ATP5MF: variants seen among roughly 807,000 people sequenced by gnomAD.
The protein encoded by ATP5MF is ATP synthase F(0) complex subunit f, mitochondrial.
In ATP5MF, 10 loss-of-function variants were observed where a neutral mutation model predicts 13.8. That is an observed-to-expected ratio of 0.72 (90% CI 0.45 to 1.23). The LOEUF is 1.23. Among genes scored for constraint, ATP5MF ranks in the 50% most tolerant of loss-of-function variants. ATP5MF has a pLI of 0.00. For synonymous variants in ATP5MF, 40 were observed against 45.8 expected, an observed-to-expected ratio of 0.87 and a Z score of 0.51; for missense variants, 122 against 118.2, an observed-to-expected ratio of 1.03 and a Z score of -0.15.
chr7:99,459,917 G>T, intron 2 of ATP5MF, 169 bp downstream of exon 2: 1 of 713,760 alleles, frequency 1.4e-6, no homozygotes, highest in Non-Finnish European at 2.3e-6. Flanking sequence ...CTTTGAAAGG[G>T]CCAATCAACC....
intron 1 of ATP5MF, among the ~76,000 whole-genome samples, chr7:99,462,856 C>T (rs1436936743): frequency 6.6e-6 from 1 of 152,116 alleles, no homozygotes; most frequent in Non-Finnish European, 1.5e-5. Flanking sequence ...CCCACCCCAA[C>T]TCTACACACA....
chr7:99,462,375 G>C (rs1798654318), intron 1 of ATP5MF, among the ~76,000 whole-genome samples: 2 of 151,826 alleles, frequency 1.3e-5, no homozygotes, highest in South Asian at 4.1e-4. Context: ...GGCTGAGGCA[G>C]GAGAATGGCG....
At chr7:99,463,037 C>T (rs1798688346) in intron 1 of ATP5MF, among the ~76,000 whole-genome samples, 1 of 152,240 alleles carries the variant, frequency 6.6e-6, no homozygotes, top group Non-Finnish European at 1.5e-5. Flanking sequence ...CAGTTTCCTC[C>T]TTTGTGAAAT....
intron 2 of ATP5MF, chr7:99,459,550 C>T (rs927540364): frequency 5.6e-6 from 2 of 357,024 alleles, no homozygotes; most frequent in African/African-American, 4.2e-5. Flanking sequence ...GCTGGGACTA[C>T]AGGCATGCAC....
At chr7:99,466,017 G>A in intron 1 of ATP5MF, 94 bp downstream of exon 1, 1 of 1,598,938 alleles carries the variant, frequency 6.3e-7, no homozygotes. Context: ...CCTGAGCAAA[G>A]GGCAGGCAGC....
At chr7:99,462,801 G>C (rs1456614006) in intron 1 of ATP5MF, among the ~76,000 whole-genome samples, 1 of 152,166 alleles carries the variant, frequency 6.6e-6, no homozygotes, top group African/African-American at 2.4e-5. Flanking sequence ...CTCTTTCACT[G>C]GAAGGCAAAG....
At chr7:99,462,891 T>G (rs900376036) in intron 1 of ATP5MF, among the ~76,000 whole-genome samples, 3 of 152,202 alleles carry the variant, frequency 2.0e-5, no homozygotes, top group Non-Finnish European at 4.4e-5. Context: ...GCACTGAAGC[T>G]TCCATCTGCA....
Position 99,466,123 on chromosome 7 carries a change from A to G in ATP5MF, c.19T>C (p.Cys7Arg). ...CAAACAGCCTTACCTGGGGCCGGAC[A>G]CTCACCAACTGACGCCATTTTGGAG... MASVGE[C>R]PAPVPVKDKK... is the part of the protein sequence containing the mutation. The change falls in exon 1 of 4, where the codon TGT becomes CGT. Residue 7 changes from cysteine to arginine, a missense_variant. By Grantham distance (180) the Cys-to-Arg change is radical. Coordinates refer to ENST00000292475, the MANE Select transcript of ATP5MF (RefSeq NM_004889.5). 6.2e-7 allele frequency: 1 copy of G among 1,614,054 alleles called. No individual in the cohort carries two copies. Among genetic ancestry groups the G allele is most frequent in the Non-Finnish European group, 8.5e-7 (1 of 1,180,006 alleles).
rs114417104 is a variant in ATP5MF, at chr7:99,465,467, A to G, written c.31+644T>C. 3.0e-3 allele frequency among the ~76,000 whole-genome samples: 450 copies of G among 152,156 alleles called. 1 individual carries two copies. The highest frequency in any genetic ancestry group is 0.011 in the African/African-American group (438 of 41,484). Reference sequence around the variant, plus strand: ...GAGCATCTAGGGCTAACTATTCAAAAACAAACAAACAAAAATCATCAGTGT... The same window carrying G: ...GAGCATCTAGGGCTAACTATTCAAAGACAAACAAACAAAAATCATCAGTGT... On this transcript the variant is annotated intron_variant, in intron 1 of 3. Transcript: ENST00000292475.
At chr7:99,460,485 T>C (rs766835830) in intron 1 of ATP5MF, 17 of 638,996 alleles carry the variant, frequency 2.7e-5, no homozygotes, top group Middle Eastern at 2.6e-4. Flanking sequence ...AGCAGTAACG[T>C]GGCGGACAGG....
At chr7:99,460,415 C>A in intron 1 of ATP5MF, 1 of 705,204 alleles carries the variant, frequency 1.4e-6, no homozygotes, top group Non-Finnish European at 2.6e-6. Context: ...GCTTTATTAA[C>A]CAACAGGACG....
At chr7:99,465,759 G>A (rs928798655) in intron 1 of ATP5MF, among the ~76,000 whole-genome samples, 1 of 152,196 alleles carries the variant, frequency 6.6e-6, no homozygotes, top group Admixed American at 6.5e-5. Context: ...GGGAAAAAAG[G>A]GCAAAAGCTG....
chr7:99,459,069 G>C lies in ATP5MF; in HGVS notation c.256+78C>G, dbSNP rs894880617. 3.7e-6 allele frequency: 4 copies of C among 1,081,414 alleles called. No homozygotes were observed. The African/African-American group carries it at 6.2e-5, about 17-fold the overall frequency. The allele number at this position is 1,081,414 out of a possible 1,614,324, so 67.0% of individuals were successfully genotyped here. A position where few individuals can be genotyped will look rare whatever the true frequency, so the allele number is the denominator to read the frequency against. ...AGGTCCCTCAGCCTCAGAAGAAGGT[G>C]GGCTGCTGTATCTAATGAAATCAGT... On this transcript the variant is annotated intron_variant, in intron 3 of 3. Transcript: ENST00000292475.
intron 1 of ATP5MF, among the ~76,000 whole-genome samples, chr7:99,463,859 C>T (rs986190080): frequency 2.0e-5 from 3 of 152,296 alleles, no homozygotes; most frequent in Non-Finnish European, 4.4e-5. Flanking sequence ...ACAGGCCACA[C>T]GAAATCCAAC....
At chr7:99,458,973 A>G in intron 3 of ATP5MF, 174 bp downstream of exon 3, 1 of 576,060 alleles carries the variant, frequency 1.7e-6, no homozygotes, top group Non-Finnish European at 3.1e-6. Context: ...ATTTCAAACA[A>G]TATCCCACAT....
At chr7:99,463,635 G>C (rs1242549603) in intron 1 of ATP5MF, among the ~76,000 whole-genome samples, 1 of 152,112 alleles carries the variant, frequency 6.6e-6, no homozygotes, top group East Asian at 1.9e-4. Context: ...AATTAGCCGG[G>C]TGTGGTGGCG....
At chr7:99,464,931 C>A (rs886128954) in intron 1 of ATP5MF, among the ~76,000 whole-genome samples, 1 of 151,730 alleles carries the variant, frequency 6.6e-6, no homozygotes, top group Non-Finnish European at 1.5e-5. Flanking sequence ...AGCTACTGCA[C>A]TCTAGCCTGG....
chr7:99,462,729 C>T (rs1337842290), intron 1 of ATP5MF, among the ~76,000 whole-genome samples: 1 of 152,188 alleles, frequency 6.6e-6, no homozygotes, highest in Non-Finnish European at 1.5e-5. Flanking sequence ...GAGCCAAGAT[C>T]GTGCCACTGC....
intron 1 of ATP5MF, among the ~76,000 whole-genome samples, chr7:99,464,616 T>A (rs1333287849): frequency 6.6e-6 from 1 of 151,044 alleles, no homozygotes; most frequent in African/African-American, 2.4e-5. Flanking sequence ...TGAGCTGAGA[T>A]CGCGCCACTG....
Sources: allele counts gnomAD v4.1 joint callset (sites outside exome capture counted in the v4.1 genomes callset), GRCh38; gene constraint gnomAD v4.1.1; transcripts MANE v1.5; gene names NCBI Gene and HGNC (gene_info 2026-07-23, HGNC 2026-07-21).